The following VPS37A variants were observed in gnomAD, a reference collection of about 807,000 sequenced individuals.
VPS37A encodes the protein VPS37A subunit of ESCRT-I.
VPS37A carries 30 observed loss-of-function variants against 49.8 expected under a neutral mutation model. The observed-to-expected ratio is 0.60, with a 90% CI of 0.45 to 0.82. The LOEUF is 0.82. Among genes scored for constraint, VPS37A ranks in the 40% least tolerant of loss-of-function variants. The pLI is 0.00. For missense variants in VPS37A, 593 were observed against 464.4 expected (o/e 1.28, Z -2.55); for synonymous variants, 195 against 160.6 (o/e 1.21, Z -1.62).
downstream of VPS37A, among the ~76,000 whole-genome samples, chr8:17,304,155 A>C: frequency 6.6e-6 from 1 of 152,236 alleles, no homozygotes; most frequent in East Asian, 1.9e-4. Flanking sequence ...TCATTATTAT[A>C]AAACATCACC....
rs1816735773 is a variant in VPS37A, at chr8:17,297,274, C to T, written c.*2288C>T. The stretch of plus-strand genomic sequence containing the variant: ...CTTAAAATAGAAGAAAATTCTAAAT[C>T]AATCAATCAGTGAGATATAAACTAA... On this transcript the variant is annotated 3_prime_UTR_variant, in exon 12 of 12. Coordinates refer to ENST00000324849, the MANE Select transcript of VPS37A (RefSeq NM_152415.3). The T allele has an allele frequency of 6.6e-6, 1 of 151,970 alleles. No homozygotes were observed. Among genetic ancestry groups the T allele is most frequent in the South Asian group, 2.1e-4 (1 of 4,822 alleles). 9.4% of individuals were successfully genotyped at this position (151,970 alleles called of 1,614,324 possible).
chr8:17,248,282 C>A (rs1177482821), intron 1 of VPS37A: 2 of 332,574 alleles, frequency 6.0e-6, no homozygotes, highest in East Asian at 1.1e-4. Context: ...TTTTTTTTTG[C>A]CGGGGGTACG....
chr8:17,305,593 C>CTTA (rs1211178334), downstream of VPS37A, among the ~76,000 whole-genome samples: 1 of 152,102 alleles, frequency 6.6e-6, no homozygotes, highest in Non-Finnish European at 1.5e-5. Context: ...GACATTTAAA[C>CTTA]CATTTATGAA....
At chr8:17,268,158 A>C in intron 2 of VPS37A, 100 bp from the exon 3 acceptor site, 3 of 796,378 alleles carry the variant, frequency 3.8e-6, no homozygotes, top group South Asian at 1.9e-5. Context: ...AAAGTGTGAA[A>C]ATTTAATTTA....
intron 4 of VPS37A, among the ~76,000 whole-genome samples, chr8:17,270,137 T>C (rs1185776488): frequency 6.6e-6 from 1 of 152,054 alleles, no homozygotes; most frequent in African/African-American, 2.4e-5. Context: ...AAAGTATTCA[T>C]GAGAAATACA....
the VPS37A span, among the ~76,000 whole-genome samples, chr8:17,320,534 C>T: frequency 3.3e-5 from 5 of 152,106 alleles, no homozygotes; most frequent in African/African-American, 1.2e-4. Flanking sequence ...CATACAGAAG[C>T]TGATGATCTA....
chr8:17,284,367 G>C (rs1208509255), intron 9 of VPS37A, 106 bp from the exon 10 acceptor site: 3 of 1,302,310 alleles, frequency 2.3e-6, no homozygotes, highest in Non-Finnish European at 3.1e-6. Context: ...AGGCTATATA[G>C]GGCATATAAT....
At chr8:17,305,875 G>T (rs1379032106), downstream of VPS37A, 36 of 1,613,540 alleles carry the variant, frequency 2.2e-5, no homozygotes, top group Non-Finnish European at 3.0e-5. Context: ...CAGGGAAATT[G>T]TTCCATTAAC....
At chr8:17,248,110 G>T in intron 1 of VPS37A, 1 of 359,734 alleles carries the variant, frequency 2.8e-6, no homozygotes, top group Non-Finnish European at 5.3e-6. Flanking sequence ...TTGGTTTGCT[G>T]CAGCCTTTTA....
At chr8:17,302,085 GCTTTCATGAAGCCTTGCT>G (rs757415790), downstream of VPS37A, 1 of 1,588,872 alleles carries the variant, frequency 6.3e-7, no homozygotes, top group Non-Finnish European at 8.6e-7. Flanking sequence ...ATCTTAAGAG[GCTTTCATGAAGCCTTGCT>G]CTTCAAGAAA....
intron 10 of VPS37A, 122 bp downstream of exon 10, chr8:17,284,738 A>G (rs1056736470): frequency 9.0e-6 from 11 of 1,219,404 alleles, no homozygotes; most frequent in African/African-American, 8.1e-5. Flanking sequence ...TTTTTGTACA[A>G]TATATTTACC....
chr8:17,287,428 A>G (rs1038648087), intron 11 of VPS37A, among the ~76,000 whole-genome samples: 3 of 152,064 alleles, frequency 2.0e-5, no homozygotes, highest in African/African-American at 7.2e-5. Context: ...TAATCCCAGC[A>G]CTTTGGGAGG....
At chr8:17,318,301 G>C in the VPS37A span, among the ~76,000 whole-genome samples, 1 of 152,130 alleles carries the variant, frequency 6.6e-6, no homozygotes, top group Non-Finnish European at 1.5e-5. Context: ...ATGCTGCTTA[G>C]GAGCAGCGCT....
At position 17,255,759 on chromosome 8, in the gene VPS37A, A is replaced by T. The variant is rs80167731; in HGVS notation, c.125+8390A>T. 8.8e-3 allele frequency among the ~76,000 whole-genome samples: 1,332 copies of T among 151,758 alleles called. 82 individuals carry two copies. In the East Asian group the frequency reaches 0.17, roughly 19 times the overall value. On this transcript the variant is annotated intron_variant, in intron 1 of 11. Coordinates refer to ENST00000324849, the MANE Select transcript of VPS37A (RefSeq NM_152415.3). ...ATCACGCTACTTTCTTTCTTTGTGG[A>T]TCTACTTTTTTAGCTTTCACATATG...
chr8:17,292,604 T>C (rs1248921280), intron 11 of VPS37A, among the ~76,000 whole-genome samples: 1 of 152,194 alleles, frequency 6.6e-6, no homozygotes, highest in Non-Finnish European at 1.5e-5. Context: ...GTACCAGTTA[T>C]TCCTTTCCAT....
chr8:17,319,395 G>C, the VPS37A span, among the ~76,000 whole-genome samples: 1 of 152,180 alleles, frequency 6.6e-6, no homozygotes, highest in Admixed American at 6.5e-5. Flanking sequence ...GTCCTGGGAG[G>C]AAGGAGCTGT....
chr8:17,247,812 A>G, intron 1 of VPS37A: 1 of 700,852 alleles, frequency 1.4e-6, no homozygotes, highest in South Asian at 1.5e-5. Context: ...CATCAAAGGA[A>G]AGGGAAGCCA....
chr8:17,295,763 A>G lies in VPS37A; in HGVS notation c.*777A>G, dbSNP rs1445346413. ...TTCTAAATTCCTAATGTTAAAAACA[A>G]TCTTTATGTTAATATACACTAAATC... is the stretch of plus-strand genomic sequence containing the variant. On this transcript the variant is annotated 3_prime_UTR_variant, in exon 12 of 12. Coordinates refer to ENST00000324849, the MANE Select transcript of VPS37A (RefSeq NM_152415.3). 1.3e-5 allele frequency: 2 copies of G among 152,226 alleles called. No homozygotes were observed. Among genetic ancestry groups the G allele is most frequent in the African/African-American group, 2.4e-5 (1 of 41,456 alleles). 9.4% of individuals were successfully genotyped at this position (152,226 alleles called of 1,614,324 possible). A position where few individuals can be genotyped will look rare whatever the true frequency, so the allele number is the denominator to read the frequency against.
At chr8:17,279,631 G>C in intron 6 of VPS37A, 1 of 312,676 alleles carries the variant, frequency 3.2e-6, no homozygotes, top group Non-Finnish European at 6.3e-6. Context: ...TATTACTGCT[G>C]TCCTATTTTA....
Sources: gnomAD v4.1 joint callset for allele counts (sites outside exome capture counted in the v4.1 genomes callset) on GRCh38, gnomAD v4.1.1 for gene constraint, MANE v1.5 for transcripts, NCBI Gene and HGNC (gene_info 2026-07-23, HGNC 2026-07-21) for gene names.